RP1: variants seen among roughly 807,000 people sequenced by gnomAD.
The protein encoded by RP1 is RP1 axonemal microtubule associated.
A neutral mutation model predicts 14.8 loss-of-function variants in RP1; 16 were observed. That is an observed-to-expected ratio of 1.08 (90% CI 0.73 to 1.65). The LOEUF (loss-of-function observed/expected upper bound fraction) is 1.65, where lower values mean the gene tolerates loss of function less well. Ranked by LOEUF, RP1 falls within the 40% of genes most tolerant of loss-of-function variation. The pLI is 0.00. For synonymous variants in RP1, 876 were observed against 883.6 expected, an observed-to-expected ratio of 0.99 and a Z score of 0.15; for missense variants, 2,631 against 2,535.0, an observed-to-expected ratio of 1.04 and a Z score of -0.81.
At chr8:54,621,715 G>T in intron 2 of RP1, 134 bp downstream of exon 2, 1 of 1,282,196 alleles carries the variant, frequency 7.8e-7, no homozygotes, top group Non-Finnish European at 1.1e-6. Context: ...GAGTGTGTGT[G>T]CTCCGATGCT....
At position 54,629,452 on chromosome 8, in the gene RP1, G is replaced by T; in HGVS notation, c.5570G>T (p.Ser1857Ile). The T allele has an allele frequency of 2.5e-6, 4 of 1,614,152 alleles. No individual in the cohort carries two copies. Among genetic ancestry groups the T allele is most frequent in the Non-Finnish European group, 2.5e-6 (3 of 1,180,000 alleles). Residue 1857 changes from serine to isoleucine, a missense_variant, in exon 4 of 4, where the codon AGT becomes ATT. By Grantham distance (142) the Ser-to-Ile change is moderately radical. Transcript: ENST00000220676. Reference sequence around the variant, plus strand: ...AATCATCATACAGAGGAGAAGGGTAGTCATCAGTCAGAAAGAGTATGCACA... The same window carrying T: ...AATCATCATACAGAGGAGAAGGGTATTCATCAGTCAGAAAGAGTATGCACA... ...IANHHTEEKG[S>I]HQSERVCTSV...
intron 1 of RP1, among the ~76,000 whole-genome samples, chr8:54,589,409 ATGG>A (rs1804996820): frequency 6.6e-6 from 1 of 152,106 alleles, no homozygotes; most frequent in Non-Finnish European, 1.5e-5. Context: ...TTGGAATATA[ATGG>A]TTTTTAAGAA....
intron 19 of RP1, among the ~76,000 whole-genome samples, chr8:54,747,230 T>A (rs970114402): frequency 3.3e-5 from 5 of 152,148 alleles, no homozygotes; most frequent in Admixed American, 3.3e-4. Context: ...CTTATTAACA[T>A]CAGTCAGATC....
intron 12 of RP1, among the ~76,000 whole-genome samples, chr8:54,689,752 G>A (rs1339275922): frequency 2.0e-5 from 3 of 151,780 alleles, no homozygotes; most frequent in Non-Finnish European, 2.9e-5. Flanking sequence ...CTAGTTAATG[G>A]GGCTGTACAC....
chr8:54,806,249 C>A (rs1276357172), intron 24 of RP1, among the ~76,000 whole-genome samples: 12 of 152,028 alleles, frequency 7.9e-5, no homozygotes, highest in Admixed American at 7.9e-4. Flanking sequence ...GAACTCCTGA[C>A]CTCGTGATCC....
chr8:54,713,962 T>A (rs1284055665), intron 15 of RP1, among the ~76,000 whole-genome samples: 1 of 152,354 alleles, frequency 6.6e-6, no homozygotes, highest in East Asian at 1.9e-4. Flanking sequence ...TGAAAGAAAT[T>A]TGACCTAACA....
chr8:54,838,406 C>G (rs188985739), intron 25 of RP1, among the ~76,000 whole-genome samples: 5 of 152,172 alleles, frequency 3.3e-5, no homozygotes, highest in Non-Finnish European at 7.4e-5. Flanking sequence ...ATACTGATAG[C>G]CTCTTTGTTC....
chr8:54,608,425 T>C (rs1253222587), intron 1 of RP1, among the ~76,000 whole-genome samples: 1 of 152,188 alleles, frequency 6.6e-6, no homozygotes, highest in East Asian at 1.9e-4. Context: ...CTGCCCTCTG[T>C]TTTCAGTCTA....
intron 1 of RP1, 36 bp from the exon 2 acceptor site, chr8:54,620,919 G>T: frequency 1.3e-6 from 2 of 1,594,672 alleles, no homozygotes; most frequent in Non-Finnish European, 1.7e-6. Context: ...TCGCTATGGT[G>T]CTGTGATTCT....
At chr8:54,772,861 T>G (rs200678845), downstream of RP1, among the ~76,000 whole-genome samples, 3 of 152,222 alleles carry the variant, frequency 2.0e-5, no homozygotes, top group East Asian at 5.8e-4. Context: ...TTTTTTAACC[T>G]ATTAAGCTAG....
intron 24 of RP1, among the ~76,000 whole-genome samples, chr8:54,806,781 C>G (rs543680310): frequency 2.0e-5 from 3 of 152,142 alleles, no homozygotes; most frequent in African/African-American, 7.2e-5. Context: ...TTGTTTTTAA[C>G]AAATTGTAAT....
exon 7 of RP1, chr8:54,663,760 C>T (rs1001925756): frequency 4.6e-5 from 70 of 1,534,712 alleles, no homozygotes; most frequent in Non-Finnish European, 5.8e-5. Flanking sequence ...CAGTAGCAAA[C>T]GTCTACATTT....
upstream of RP1, chr8:54,616,058 C>T (rs1395506211): frequency 6.6e-6 from 1 of 152,180 alleles, no homozygotes; most frequent in Non-Finnish European, 1.5e-5. Flanking sequence ...TGTACTCAAT[C>T]CCTTGCTGGA....
At chr8:54,715,741 A>G (rs1448632021) in intron 15 of RP1, among the ~76,000 whole-genome samples, 1 of 152,178 alleles carries the variant, frequency 6.6e-6, no homozygotes, top group Non-Finnish European at 1.5e-5. Context: ...AAATTATGAG[A>G]TTAGAAATTA....
intron 14 of RP1, among the ~76,000 whole-genome samples, chr8:54,702,924 C>G (rs1016934816): frequency 6.6e-6 from 1 of 152,180 alleles, no homozygotes; most frequent in Admixed American, 6.6e-5. Flanking sequence ...TTCATCTGTT[C>G]AATTTTATCA....
At chr8:54,677,973 C>G (rs1265167617) in intron 8 of RP1, among the ~76,000 whole-genome samples, 3 of 151,996 alleles carry the variant, frequency 2.0e-5, no homozygotes, top group African/African-American at 4.8e-5. Context: ...TTCATGTGTA[C>G]CAGGTGAGTC....
intron 24 of RP1, among the ~76,000 whole-genome samples, chr8:54,807,792 G>C (rs1386363330): frequency 6.6e-6 from 1 of 152,068 alleles, no homozygotes; most frequent in Non-Finnish European, 1.5e-5. Context: ...GGGCTGGCAG[G>C]CTTGAACCCA....
intron 12 of RP1, chr8:54,696,340 G>A (rs551777877): frequency 2.2e-4 from 109 of 504,998 alleles, no homozygotes; most frequent in Non-Finnish European, 3.3e-4. Context: ...GCTGACAATA[G>A]TAAGAAATGA....
chr8:54,738,916 T>C, intron 18 of RP1: 2 of 1,375,090 alleles, frequency 1.5e-6, no homozygotes, highest in Non-Finnish European at 1.9e-6. Context: ...ATTCTGATAA[T>C]TTTTTTCTCC....
Sources: allele counts gnomAD v4.1 joint callset (sites outside exome capture counted in the v4.1 genomes callset), GRCh38; gene constraint gnomAD v4.1.1; transcripts MANE v1.5; gene names NCBI Gene and HGNC (gene_info 2026-07-23, HGNC 2026-07-21).